TYW3: variants seen among roughly 807,000 people sequenced by gnomAD.
The protein encoded by TYW3 is tRNA wybutosine-synthesizing protein 3 homolog.
TYW3 carries 26 observed loss-of-function variants against 23.1 expected under a neutral mutation model. The ratio of observed to expected loss-of-function variants is 1.13; its 90% CI spans 0.83 to 1.56. TYW3 has a LOEUF of 1.56. Ranked by LOEUF, TYW3 falls within the 40% of genes most tolerant of loss-of-function variation. The probability of loss-of-function intolerance (pLI) is 0.00; values close to 1 mark genes in which losing one functional copy is unlikely to be tolerated. For missense variants in TYW3, 316 were observed against 311.9 expected (o/e 1.01, Z -0.10); for synonymous variants, 102 against 105.7 (o/e 0.97, Z 0.21).
chr1:74,735,396 C>G (rs1557740838), intron 1 of TYW3, among the ~76,000 whole-genome samples: 1 of 152,150 alleles, frequency 6.6e-6, no homozygotes, highest in Non-Finnish European at 1.5e-5. Context: ...AAACTCCCCT[C>G]TCCCACCTGA....
Position 74,733,408 on chromosome 1 carries a change from T to A in TYW3, c.164T>A (p.Leu55His). The A allele has an allele frequency of 6.2e-7, 1 of 1,614,198 alleles. No homozygotes were observed. Among genetic ancestry groups the A allele is most frequent in the Non-Finnish European group, 8.5e-7 (1 of 1,180,022 alleles). ...TTSSCAGRIL[L>H]LDRGINGFEV... ...AGCTCCTGCGCTGGCCGCATCCTAC[T>A]CCTTGACCGGGTGAGGCCCCTTTGC... is the stretch of plus-strand genomic sequence containing the variant. The change falls in exon 1 of 6, where the codon CTC becomes CAC. Residue 55 changes from leucine (L) to histidine (H), a missense_variant. By Grantham distance (99) the Leu-to-His change is moderately conservative. Transcript: ENST00000370867.
chr1:74,752,446 C>T (rs1291039933), intron 5 of TYW3, 21 bp downstream of exon 5: 3 of 1,605,712 alleles, frequency 1.9e-6, no homozygotes, highest in Admixed American at 1.7e-5. Context: ...TGGGTATTTC[C>T]ATGTTATTCT....
rs774095411 is a variant in TYW3, at chr1:74,748,814, A to T, written c.418A>T (p.Thr140Ser). The T allele has an allele frequency of 1.1e-4, 179 of 1,613,806 alleles. No homozygotes were observed. The highest frequency in any genetic ancestry group is 1.5e-4 in the Non-Finnish European group (174 of 1,179,890). ...CATAACGGTGGGAAAGAGAGGAAAA[A>T]CTATGTTGGTAAGATATTTTGTCAA... ...SGITVGKRGK[T>S]MLAVRSTHGL... Residue 140 changes from threonine to serine, a missense_variant, in exon 4 of 6, where the codon ACT (threonine) becomes TCT (serine). Physicochemically the swap from Thr to Ser is moderately conservative, Grantham distance 58. Coordinates refer to ENST00000370867, the MANE Select transcript of TYW3 (RefSeq NM_138467.3).
Position 74,748,130 on chromosome 1 carries a change from C to G in TYW3, c.355-621C>G, listed in dbSNP as rs1174301257. Among the ~76,000 whole-genome samples, 20 of 99,848 alleles carry G rather than the reference C, an allele frequency of 2.0e-4. No individual in the cohort carries two copies. In the Admixed American group the frequency reaches 2.3e-3, roughly 11 times the overall value. 65.5% of individuals were successfully genotyped at this position (99,848 alleles called of 152,430 possible). On this transcript the variant is annotated intron_variant, in intron 3 of 5. Transcript: ENST00000370867. Reference sequence around the variant, plus strand: ...TTTGCTAGAGATCTCCCTTCCTCTTCCCTTGAGTTGTGACAACCAAAAATG... The same window carrying G: ...TTTGCTAGAGATCTCCCTTCCTCTTGCCTTGAGTTGTGACAACCAAAAATG...
rs201669941 is a variant in TYW3, at chr1:74,755,551, C to T, written c.560+3126C>T. On this transcript the variant is annotated intron_variant, in intron 5 of 5. Transcript: ENST00000370867. The stretch of plus-strand genomic sequence containing the variant: ...AATAATATTCCATTGTATTTATAGA[C>T]TGAATTTTGTTTATTCATTGATGTG... 2.6e-5 allele frequency among the ~76,000 whole-genome samples: 4 copies of T among 152,148 alleles called. 1 individual carries two copies. The East Asian group carries it at 7.7e-4, about 29-fold the overall frequency.
At chr1:74,739,132 C>T (rs1314348436) in intron 3 of TYW3, among the ~76,000 whole-genome samples, 2 of 152,092 alleles carry the variant, frequency 1.3e-5, no homozygotes, top group East Asian at 1.9e-4. Flanking sequence ...AAGAATATTT[C>T]ATTTTTCCCA....
Position 74,747,139 on chromosome 1 carries a change from A to G in TYW3, c.355-1612A>G, listed in dbSNP as rs370176664. ...AGTGAAAGAAGAGACTAATTGGGAG[A>G]CTCCTCCAGAAGTTAAGGAGAGAGG... On this transcript the variant is annotated intron_variant, in intron 3 of 5. Coordinates refer to ENST00000370867, the MANE Select transcript of TYW3 (RefSeq NM_138467.3). 2.4e-4 allele frequency among the ~76,000 whole-genome samples: 37 copies of G among 152,216 alleles called. No individual in the cohort carries two copies. In the East Asian group the frequency reaches 6.4e-3, roughly 26 times the overall value.
At chr1:74,745,849 C>T (rs1648549229) in intron 3 of TYW3, among the ~76,000 whole-genome samples, 1 of 152,172 alleles carries the variant, frequency 6.6e-6, no homozygotes, top group African/African-American at 2.4e-5. Context: ...GGCCCTTGTC[C>T]TTGGCTTGCA....
intron 1 of TYW3, among the ~76,000 whole-genome samples, chr1:74,734,653 A>C (rs1648075768): frequency 6.6e-6 from 1 of 152,214 alleles, no homozygotes; most frequent in Admixed American, 6.5e-5. Context: ...TCCCCTGAGG[A>C]TAAGGCTGCT....
At position 74,763,928 on chromosome 1, in the gene TYW3, G is replaced by A. The variant is rs776591273; in HGVS notation, c.595G>A (p.Glu199Lys). ...CTGCCTACAGCATGCTTTGGAAAGGGAAACGATGACTAACTTACATCCCAA... is the reference window on the plus strand; with the variant it reads ...CTGCCTACAGCATGCTTTGGAAAGGAAAACGATGACTAACTTACATCCCAA... ...YNCLQHALER[E>K]TMTNLHPKIK... is the part of the protein sequence containing the mutation. The change falls in exon 6 of 6, where the codon GAA (glutamate) becomes AAA (lysine). Residue 199 changes from glutamate (E) to lysine (K), a missense_variant. Physicochemically the swap from Glu to Lys is moderately conservative, Grantham distance 56. Coordinates refer to ENST00000370867, the MANE Select transcript of TYW3 (RefSeq NM_138467.3). 1.4e-5 allele frequency: 22 copies of A among 1,605,638 alleles called. No homozygotes were observed. Among genetic ancestry groups the A allele is most frequent in the Non-Finnish European group, 1.9e-5 (22 of 1,177,886 alleles).
At chr1:74,762,239 A>C (rs1021660092) in intron 5 of TYW3, among the ~76,000 whole-genome samples, 4 of 152,106 alleles carry the variant, frequency 2.6e-5, no homozygotes, top group African/African-American at 9.7e-5. Context: ...GAATATGTGG[A>C]TATTTGGAGT....
chr1:74,738,680 AT>A lies in TYW3; in HGVS notation c.256-7del. On this transcript the variant is annotated splice_polypyrimidine_tract_variant and intron_variant, in intron 2 of 5. Coordinates refer to ENST00000370867, the MANE Select transcript of TYW3 (RefSeq NM_138467.3). Reference sequence around the variant, plus strand: ...ATACTTGCATCTGATACCACTGTTCATTTATTTAGATTGTAGCTCTGAAGAA... The same window carrying A: ...ATACTTGCATCTGATACCACTGTTCATTATTTAGATTGTAGCTCTGAAGAA... The A allele has an allele frequency of 6.3e-7, 1 of 1,591,298 alleles. No homozygotes were observed. Among genetic ancestry groups the A allele is most frequent in the South Asian group, 1.1e-5 (1 of 88,082 alleles).
intron 3 of TYW3, among the ~76,000 whole-genome samples, chr1:74,746,720 G>A (rs1037424620): frequency 6.6e-6 from 1 of 152,216 alleles, no homozygotes; most frequent in East Asian, 1.9e-4. Flanking sequence ...CACTCCACTA[G>A]AGAGTCAGGG....
chr1:74,750,813 T>TTG (rs1299382285), intron 4 of TYW3, among the ~76,000 whole-genome samples: 3 of 144,924 alleles, frequency 2.1e-5, no homozygotes, highest in African/African-American at 7.6e-5. Context: ...TTTTTTTTTT[T>TTG]TTTTTTTTTT....
In TYW3 at chr1:74,752,290, A is replaced by G. The variant is rs1008734387; in HGVS notation, c.427-2A>G. The G allele has an allele frequency of 7.5e-6, 12 of 1,595,418 alleles. No homozygotes were observed. The highest frequency in any genetic ancestry group is 9.4e-6 in the Non-Finnish European group (11 of 1,172,224). On this transcript the variant is annotated splice_acceptor_variant, in intron 4 of 5. Coordinates refer to ENST00000370867, the MANE Select transcript of TYW3 (RefSeq NM_138467.3). LOFTEE classifies it high-confidence loss of function. ...CATATCTAAATTGTTTTTTCCTTGTAGGCTGTCCGGAGTACACATGGCTTA... is the reference window on the plus strand; with the variant it reads ...CATATCTAAATTGTTTTTTCCTTGTGGGCTGTCCGGAGTACACATGGCTTA...
intron 5 of TYW3, among the ~76,000 whole-genome samples, chr1:74,760,278 C>G (rs966675044): frequency 3.9e-5 from 6 of 151,968 alleles, no homozygotes; most frequent in African/African-American, 1.5e-4. Flanking sequence ...GAAGGAGAAG[C>G]AGGAATATTT....
chr1:74,750,732 G>A (rs1285982535), intron 4 of TYW3, among the ~76,000 whole-genome samples: 1 of 149,498 alleles, frequency 6.7e-6, no homozygotes, highest in African/African-American at 2.5e-5. Context: ...GCTCTTTTAT[G>A]TCTCTATGCC....
Position 74,764,234 on chromosome 1 carries a change from C to A in TYW3, c.*121C>A. 1.2e-6 allele frequency: 1 copy of A among 834,320 alleles called. No homozygotes were observed. The highest frequency in any genetic ancestry group is 1.8e-6 in the Non-Finnish European group (1 of 545,352). 51.7% of individuals were successfully genotyped at this position (834,320 alleles called of 1,614,324 possible). A position where few individuals can be genotyped will look rare whatever the true frequency, so the allele number is the denominator to read the frequency against. ...ATTCATAAGCCAGTAATGACAAGTG[C>A]AGAGCTTCAAACTATAACTTTGTTG... On this transcript the variant is annotated 3_prime_UTR_variant, in exon 6 of 6. Transcript: ENST00000370867.
Position 74,748,786 on chromosome 1 carries a change from T to C in TYW3, c.390T>C (p.Ser130=). The C allele has an allele frequency of 1.2e-6, 2 of 1,614,116 alleles. No individual in the cohort carries two copies. Among genetic ancestry groups the C allele is most frequent in the Non-Finnish European group, 1.7e-6 (2 of 1,179,980 alleles). The part of the protein sequence containing the change: ...SMAIDSGFRN[S]GITVGKRGKT... ...CAATAGATTCTGGTTTCAGGAACTC[T>C]GGCATAACGGTGGGAAAGAGAGGAA... Residue 130 remains serine, a synonymous_variant, in exon 4 of 6, where the codon TCT becomes TCC. Transcript: ENST00000370867.
Sources: allele counts gnomAD v4.1 joint callset (sites outside exome capture counted in the v4.1 genomes callset), GRCh38; gene constraint gnomAD v4.1.1; transcripts MANE v1.5; gene names NCBI Gene and HGNC (gene_info 2026-07-23, HGNC 2026-07-21).